Variants in JAKMIP3 observed in about 807,000 individuals in gnomAD.
The protein encoded by JAKMIP3 is Janus kinase and microtubule interacting protein 3, also known as janus kinase and microtubule-interacting protein 3.
Under a neutral mutation model 118.5 loss-of-function variants are expected in JAKMIP3, and 58 were observed. The ratio of observed to expected loss-of-function variants is 0.49; its 90% confidence interval spans 0.40 to 0.61. The LOEUF (loss-of-function observed/expected upper bound fraction) is 0.61. Among genes scored for constraint, JAKMIP3 ranks in the 20% least tolerant of loss-of-function variants. JAKMIP3 has a pLI of 0.00. For missense variants in JAKMIP3, 950 were observed against 1,109.0 expected (o/e 0.86, Z 2.04); for synonymous variants, 486 against 451.2 (o/e 1.08, Z -0.98).
chr10:132,167,867 C>CTCGCCCG, intron 22 of JAKMIP3, 86 bp from the exon 23 acceptor site: 1 of 1,059,594 alleles, frequency 9.4e-7, no homozygotes, highest in Non-Finnish European at 1.3e-6. Flanking sequence ...CCCCTCGGCC[C>CTCGCCCG]TCGCCCCTCG....
chr10:132,107,920 G>C lies in JAKMIP3; in HGVS notation c.135+2977G>C, dbSNP rs772766179. On this transcript the variant is annotated intron_variant, in intron 2 of 23. Transcript: ENST00000684848. ...AGCGTGTCTATGTTTGCAGTTTGAC[G>C]GTGACGTCCCCAGGGCCCATGGAGA... is the stretch of plus-strand genomic sequence containing the variant. 1.1e-3 allele frequency among the ~76,000 whole-genome samples: 164 copies of C among 152,196 alleles called. 1 individual carries two copies. Among genetic ancestry groups the C allele is most frequent in the Non-Finnish European group, 1.9e-4 (13 of 68,048 alleles).
chr10:132,180,990 G>A (rs935605237), intron 23 of JAKMIP3, among the ~76,000 whole-genome samples: 1 of 148,644 alleles, frequency 6.7e-6, no homozygotes, highest in Non-Finnish European at 1.5e-5. Flanking sequence ...TGTGTGTAGT[G>A]TATTGTGTGT....
intron 23 of JAKMIP3, among the ~76,000 whole-genome samples, chr10:132,180,546 C>CGCGCGCGCGCGTGT (rs1467305126): frequency 6.3e-5 from 1 of 15,966 alleles, no homozygotes; most frequent in African/African-American, 3.8e-4. Flanking sequence ...TGTGTGTGTG[C>CGCGCGCGCGCGTGT]GTGCGTGCAT....
intron 23 of JAKMIP3, among the ~76,000 whole-genome samples, chr10:132,181,010 T>C (rs1270279284): frequency 5.9e-5 from 9 of 151,498 alleles, no homozygotes; most frequent in Admixed American, 5.9e-4. Flanking sequence ...TACATGCATG[T>C]GCAGTGTGTA....
At chr10:132,174,015 T>C (rs28626950) in intron 23 of JAKMIP3, among the ~76,000 whole-genome samples, 1 of 151,514 alleles carries the variant, frequency 6.6e-6, no homozygotes, top group African/African-American at 2.4e-5. Context: ...GTGTGGTGTG[T>C]CTGTGATGTG....
intron 1 of JAKMIP3, among the ~76,000 whole-genome samples, chr10:132,039,401 A>G (rs1190330665): frequency 5.9e-5 from 4 of 68,040 alleles, no homozygotes; most frequent in African/African-American, 2.5e-4. Context: ...ACATCCCCCC[A>G]TACCTGCAAC....
chr10:132,135,850 G>A, intron 5 of JAKMIP3, 80 bp from the exon 6 acceptor site: 1 of 1,450,764 alleles, frequency 6.9e-7, no homozygotes, highest in Admixed American at 2.2e-5. Flanking sequence ...CCCAAGCTGT[G>A]GTCAGTCAGC....
intron 1 of JAKMIP3, among the ~76,000 whole-genome samples, chr10:132,066,651 C>A (rs977243637): frequency 9.2e-5 from 14 of 152,346 alleles, no homozygotes; most frequent in African/African-American, 2.6e-4. Flanking sequence ...AATCAAGAAT[C>A]ACACATCACT....
intron 1 of JAKMIP3, among the ~76,000 whole-genome samples, chr10:132,099,432 G>T (rs2044476524): frequency 6.6e-6 from 1 of 152,154 alleles, no homozygotes; most frequent in South Asian, 2.1e-4. Flanking sequence ...CGAAATAAAA[G>T]ATAGGCAATC....
rs376570759 is a variant in JAKMIP3, at chr10:132,140,504, C to T, written c.1398C>T (p.Ser466=). The change falls in exon 10 of 24, where the codon TCC becomes TCT. Residue 466 remains serine, a synonymous_variant. Coordinates refer to ENST00000684848, the MANE Select transcript of JAKMIP3 (RefSeq NM_001323087.2). ...FGYDEEASLE[S]DGSSVSYQTD... Reference sequence around the variant, plus strand: ...ACGACGAAGAGGCTTCCCTGGAATCCGACGGCTCCTCCGTCTCTTACCAAA... The same window carrying T: ...ACGACGAAGAGGCTTCCCTGGAATCTGACGGCTCCTCCGTCTCTTACCAAA... The T allele has an allele frequency of 3.3e-5, 53 of 1,613,744 alleles. No homozygotes were observed. Among genetic ancestry groups the T allele is most frequent in the South Asian group, 5.5e-5 (5 of 91,078 alleles).
chr10:132,039,067 A>G lies in JAKMIP3; in HGVS notation c.-138+2329A>G, dbSNP rs74161711. On this transcript the variant is annotated intron_variant, in intron 1 of 23. Coordinates refer to the JAKMIP3 transcript ENST00000657785. ...CATGCAGTTCAGCAAGGGAGGAGGTACAGACATCGCCTAAAATCACCAGAA... is the reference window on the plus strand; with the variant it reads ...CATGCAGTTCAGCAAGGGAGGAGGTGCAGACATCGCCTAAAATCACCAGAA... Among the ~76,000 whole-genome samples the G allele has an allele frequency of 4.2e-3, 637 of 152,368 alleles. 3 individuals carry two copies. The highest frequency in any genetic ancestry group is 0.014 in the African/African-American group (603 of 41,596).
At chr10:132,054,215 C>G (rs1423835114) in intron 1 of JAKMIP3, among the ~76,000 whole-genome samples, 1 of 152,034 alleles carries the variant, frequency 6.6e-6, no homozygotes, top group Non-Finnish European at 1.5e-5. Flanking sequence ...TTCCCAGTGT[C>G]TGTGTAAACT....
At chr10:132,095,133 A>AC (rs1192165769) in intron 1 of JAKMIP3, among the ~76,000 whole-genome samples, 1 of 152,270 alleles carries the variant, frequency 6.6e-6, no homozygotes, top group East Asian at 1.9e-4. Flanking sequence ...AGGGTTGAGA[A>AC]CGTGCCCCAG....
intron 4 of JAKMIP3, among the ~76,000 whole-genome samples, chr10:132,134,253 G>A (rs534952414): frequency 6.6e-6 from 1 of 152,296 alleles, no homozygotes; most frequent in South Asian, 2.1e-4. Flanking sequence ...CTCGAGTCGG[G>A]CCCAGGACCA....
chr10:132,139,924 G>A (rs1271531476), intron 9 of JAKMIP3, among the ~76,000 whole-genome samples: 2 of 152,158 alleles, frequency 1.3e-5, no homozygotes, highest in East Asian at 1.9e-4. Flanking sequence ...GTCCCTCTTC[G>A]ATTCTTGAAG....
At chr10:132,125,946 T>C (rs1406414158) in intron 3 of JAKMIP3, among the ~76,000 whole-genome samples, 1 of 152,234 alleles carries the variant, frequency 6.6e-6, no homozygotes, top group Non-Finnish European at 1.5e-5. Flanking sequence ...GGTTGTTTTT[T>C]GAGAGATAAG....
chr10:132,180,758 T>TGCGC lies in JAKMIP3; in HGVS notation c.*1104-1596_*1104-1595insCGCG, dbSNP rs1554963450. ...GTGTGCGTGCGTGCGCGCGCGTGTG[T>TGCGC]GCGTGTGTGTGCGTGTGTGTGTGTG... On this transcript the variant is annotated intron_variant, in intron 23 of 23. Transcript: ENST00000684848. Among the ~76,000 whole-genome samples, 2 of 18,060 alleles carry TGCGC rather than the reference T, an allele frequency of 1.1e-4. 1 individual carries two copies. The highest frequency in any genetic ancestry group is 1.3e-3 in the Admixed American group (2 of 1,508). 11.8% of individuals were successfully genotyped at this position (18,060 alleles called of 152,430 possible).
chr10:132,088,005 G>A (rs887925418), intron 1 of JAKMIP3, among the ~76,000 whole-genome samples: 43 of 151,966 alleles, frequency 2.8e-4, no homozygotes, highest in Non-Finnish European at 5.6e-4. Flanking sequence ...ATGGTTTCCA[G>A]CTTCATCCAT....
intron 19 of JAKMIP3, among the ~76,000 whole-genome samples, chr10:132,155,480 C>G (rs1026164260): frequency 6.6e-6 from 1 of 152,192 alleles, no homozygotes; most frequent in African/African-American, 2.4e-5. Flanking sequence ...ACAGAGGGGC[C>G]AGGGCTCAAA....
Sources: allele counts gnomAD v4.1 joint callset (sites outside exome capture counted in the v4.1 genomes callset), GRCh38; gene constraint gnomAD v4.1.1; transcripts MANE v1.5; gene names NCBI Gene and HGNC (gene_info 2026-07-23, HGNC 2026-07-21).